Variants in PCM1 observed in about 807,000 individuals in gnomAD.
The protein encoded by PCM1 is pericentriolar material 1.
In PCM1, 157 loss-of-function variants were observed where a neutral mutation model predicts 241.9. That is an observed-to-expected ratio of 0.65 (90% CI 0.57 to 0.74). PCM1 has a LOEUF of 0.74. PCM1 is among the 30% of genes least tolerant of loss of function. The pLI is 0.00. For missense variants in PCM1, 3,478 were observed against 2,360.1 expected (o/e 1.47, Z -9.81); for synonymous variants, 1,085 against 784.9 (o/e 1.38, Z -6.39).
At chr8:17,940,319 A>G (rs117443506) in intron 6 of PCM1, among the ~76,000 whole-genome samples, 2,572 of 152,358 alleles carry the variant, frequency 0.017, 38 homozygotes, top group South Asian at 0.044. Context: ...GTATTTAAAC[A>G]CGGAAGTTAA....
At chr8:17,980,467 A>G (rs78083654) in intron 23 of PCM1, 124 bp from the exon 24 acceptor site, 6 of 682,944 alleles carry the variant, frequency 8.8e-6, no homozygotes, top group East Asian at 5.2e-5. Flanking sequence ...TTTGTATTCT[A>G]TTTATACCAG....
intron 26 of PCM1, among the ~76,000 whole-genome samples, chr8:17,986,547 C>T (rs575188889): frequency 1.3e-5 from 2 of 149,112 alleles, no homozygotes; most frequent in African/African-American, 4.9e-5. Context: ...TATTCTAATT[C>T]ATGGAGAAAA....
At chr8:18,024,310 GA>G (rs1464299364) in intron 36 of PCM1, among the ~76,000 whole-genome samples, 3 of 152,114 alleles carry the variant, frequency 2.0e-5, no homozygotes, top group African/African-American at 7.2e-5. Context: ...AGACTATGGT[GA>G]ACTATGATTG....
At chr8:17,987,437 G>A (rs1300906612) in intron 26 of PCM1, among the ~76,000 whole-genome samples, 3 of 151,716 alleles carry the variant, frequency 2.0e-5, no homozygotes, top group Non-Finnish European at 4.4e-5. Flanking sequence ...TTTATTTTAA[G>A]AGATTGGAGC....
chr8:18,011,523 C>A, intron 33 of PCM1, 144 bp from the exon 34 acceptor site: 1 of 1,056,154 alleles, frequency 9.5e-7, no homozygotes, highest in East Asian at 2.6e-5. Flanking sequence ...AGACTTTCTG[C>A]ACTGTAAGTT....
chr8:17,987,393 T>C (rs1030619956), intron 26 of PCM1, among the ~76,000 whole-genome samples: 1 of 151,878 alleles, frequency 6.6e-6, no homozygotes, highest in Non-Finnish European at 1.5e-5. Flanking sequence ...GCTTTCACTT[T>C]TATCCAAGTT....
At chr8:17,955,444 A>G in intron 9 of PCM1, 26 bp from the exon 10 acceptor site, 1 of 1,519,392 alleles carries the variant, frequency 6.6e-7, no homozygotes, top group African/African-American at 1.4e-5. Flanking sequence ...ATTAAAAAAA[A>G]TTTTTTGTTG....
At chr8:18,009,437 T>G (rs1363813299) in intron 30 of PCM1, 110 bp from the exon 31 acceptor site, 5 of 689,510 alleles carry the variant, frequency 7.3e-6, no homozygotes, top group Non-Finnish European at 1.2e-5. Flanking sequence ...AACCTATCTT[T>G]CCTTAGTAAT....
intron 29 of PCM1, among the ~76,000 whole-genome samples, chr8:17,995,842 G>A (rs1387182137): frequency 6.6e-6 from 1 of 151,750 alleles, no homozygotes; most frequent in Non-Finnish European, 1.5e-5. Context: ...ATTACTGGTG[G>A]CATATAGAAA....
intron 24 of PCM1, among the ~76,000 whole-genome samples, chr8:17,981,544 A>C (rs2080805892): frequency 6.6e-6 from 1 of 152,162 alleles, no homozygotes; most frequent in Admixed American, 6.5e-5. Flanking sequence ...GGAGAGAGAG[A>C]GGCAATAACA....
chr8:17,940,886 A>G (rs17592494), intron 6 of PCM1, among the ~76,000 whole-genome samples: 5,030 of 152,250 alleles, frequency 0.033, 110 homozygotes, highest in Non-Finnish European at 0.049. Flanking sequence ...TTTAACACCT[A>G]TTACAGGCTA....
Position 17,956,775 on chromosome 8 carries a change from T to A in PCM1, c.1644T>A (p.Ile548=), listed in dbSNP as rs375651015. Residue 548 remains isoleucine (I), a splice_region_variant and synonymous_variant, in exon 11 of 39, where the codon ATT becomes ATA. Transcript: ENST00000325083. ...EHENSEPVTN[I]RNPQVASTWN... Reference sequence around the variant, plus strand: ...AAAATTCCGAGCCTGTTACTAACATTCGGTAAGAACTTTTCTGGGGATGTT... The same window carrying A: ...AAAATTCCGAGCCTGTTACTAACATACGGTAAGAACTTTTCTGGGGATGTT... The A allele has an allele frequency of 5.6e-6, 9 of 1,604,598 alleles. No homozygotes were observed. The highest frequency in any genetic ancestry group is 7.7e-6 in the Non-Finnish European group (9 of 1,174,300).
chr8:18,016,051 G>A (rs1242005613), intron 36 of PCM1, among the ~76,000 whole-genome samples: 1 of 152,170 alleles, frequency 6.6e-6, no homozygotes, highest in Non-Finnish European at 1.5e-5. Context: ...ACCACACCCG[G>A]CTAATTTTTT....
At chr8:17,985,921 A>G (rs376616663) in intron 25 of PCM1, 38 bp from the exon 26 acceptor site, 6 of 1,294,076 alleles carry the variant, frequency 4.6e-6, no homozygotes, top group East Asian at 5.0e-5. Context: ...TTAAGCATGT[A>G]TGTTTTATAT....
intron 23 of PCM1, 164 bp from the exon 24 acceptor site, chr8:17,980,427 G>T (rs945345576): frequency 1.8e-5 from 9 of 491,268 alleles, no homozygotes; most frequent in African/African-American, 1.8e-4. Flanking sequence ...AAAGGGTATT[G>T]CAAAGATACC....
intron 23 of PCM1, among the ~76,000 whole-genome samples, chr8:17,976,045 C>T (rs887199544): frequency 6.6e-6 from 1 of 152,168 alleles, no homozygotes; most frequent in Admixed American, 6.5e-5. Flanking sequence ...GTACAGCCTT[C>T]TGGGTTCTTA....
intron 17 of PCM1, 75 bp downstream of exon 17, chr8:17,963,366 T>G (rs1249235093): frequency 9.5e-7 from 1 of 1,057,250 alleles, no homozygotes; most frequent in Admixed American, 2.6e-5. Flanking sequence ...GGCAGCCACA[T>G]TTCTCCTCTA....
intron 10 of PCM1, chr8:17,955,901 A>G (rs2068155448): frequency 2.0e-6 from 1 of 500,252 alleles, no homozygotes; most frequent in East Asian, 3.7e-5. Context: ...ATCAAAAATA[A>G]GATTACAGTT....
chr8:18,004,718 C>T (rs1178865975), intron 29 of PCM1, among the ~76,000 whole-genome samples: 1 of 152,176 alleles, frequency 6.6e-6, no homozygotes, highest in Non-Finnish European at 1.5e-5. Flanking sequence ...TCTTGACTCT[C>T]TTTATGTCAT....
Sources: allele counts gnomAD v4.1 joint callset (sites outside exome capture counted in the v4.1 genomes callset), GRCh38; gene constraint gnomAD v4.1.1; transcripts MANE v1.5; gene names NCBI Gene and HGNC (gene_info 2026-07-23, HGNC 2026-07-21).